The following A2ML1 variants were observed in gnomAD, a reference collection of about 807,000 sequenced individuals.
A2ML1 encodes the protein alpha-2-macroglobulin-like protein 1.
A neutral mutation model predicts 181.9 loss-of-function variants in A2ML1; 161 were observed. The ratio of observed to expected loss-of-function variants is 0.89; its 90% CI spans 0.78 to 1.01. The LOEUF (loss-of-function observed/expected upper bound fraction) is 1.01. Ranked by LOEUF, A2ML1 falls within the 50% of genes least tolerant of loss-of-function variation. The pLI, the probability that A2ML1 is intolerant of heterozygous loss-of-function variation, is 0.00. For synonymous variants in A2ML1, 663 were observed against 666.8 expected, an observed-to-expected ratio of 0.99 and a Z score of 0.09; for missense variants, 1,670 against 1,768.1, an observed-to-expected ratio of 0.94 and a Z score of 1.00.
chr12:8,824,962 TACC>T (rs1459302767), intron 3 of A2ML1, among the ~76,000 whole-genome samples: 1 of 152,222 alleles, frequency 6.6e-6, no homozygotes. Context: ...TATGTATGTG[TACC>T]ACATTTTTTA....
chr12:8,870,531 T>C (rs973930665), intron 33 of A2ML1, among the ~76,000 whole-genome samples: 1 of 152,170 alleles, frequency 6.6e-6, no homozygotes, highest in African/African-American at 2.4e-5. Flanking sequence ...CCTCCCAAAG[T>C]GTTAGGATTA....
At chr12:8,843,446 A>G (rs535157361) in intron 12 of A2ML1, 85 bp downstream of exon 12, 4 of 1,292,678 alleles carry the variant, frequency 3.1e-6, no homozygotes, top group Non-Finnish European at 4.2e-6. Context: ...CACCTAGGCT[A>G]TCTGAATTGC....
Position 8,868,264 on chromosome 12 carries a change from A to G in A2ML1, c.3968A>G (p.Asn1323Ser). Residue 1323 changes from asparagine to serine, a missense_variant, in exon 31 of 36, where the codon AAT becomes AGT. Physicochemically the swap from Asn to Ser is conservative, Grantham distance 46. Coordinates refer to ENST00000299698, the MANE Select transcript of A2ML1 (RefSeq NM_144670.6). ...VLRYNILPPT[N>S]MKTFSLSVEI... Reference sequence around the variant, plus strand: ...AGATACAATATTCTCCCTCCCACAAATATGAAGACCTTTAGTCTTAGTGTG... The same window carrying G: ...AGATACAATATTCTCCCTCCCACAAGTATGAAGACCTTTAGTCTTAGTGTG... 1 of 1,613,866 alleles carries G rather than the reference A, an allele frequency of 6.2e-7. No homozygotes were observed. Among genetic ancestry groups the G allele is most frequent in the South Asian group, 1.1e-5 (1 of 90,950 alleles).
At chr12:8,845,527 A>G (rs771358441) in intron 13 of A2ML1, 25 bp downstream of exon 13, 3 of 1,613,390 alleles carry the variant, frequency 1.9e-6, no homozygotes, top group African/African-American at 2.7e-5. Context: ...TTTTCCCGGA[A>G]GCAAACAGGA....
intron 7 of A2ML1, among the ~76,000 whole-genome samples, chr12:8,884,721 T>G (rs1944905538): frequency 6.6e-6 from 1 of 152,148 alleles, no homozygotes. Context: ...CCTGGCTAAT[T>G]TTTGTATTTT....
chr12:8,873,148 C>T (rs1944685471), intron 33 of A2ML1, among the ~76,000 whole-genome samples: 2 of 152,006 alleles, frequency 1.3e-5, no homozygotes, highest in Admixed American at 6.6e-5. Context: ...AGGGGAGGTC[C>T]CTCGACCACA....
At chr12:8,879,420 G>C (rs1167001651), downstream of A2ML1, among the ~76,000 whole-genome samples, 1 of 152,052 alleles carries the variant, frequency 6.6e-6, no homozygotes, top group Non-Finnish European at 1.5e-5. Context: ...GAACCCGGGA[G>C]GCGGAGGTTG....
intron 3 of A2ML1, among the ~76,000 whole-genome samples, chr12:8,825,467 G>A (rs904639530): frequency 2.6e-5 from 4 of 152,022 alleles, no homozygotes; most frequent in Admixed American, 2.0e-4. Context: ...CTATACAGCT[G>A]TCTGAGCTCC....
At chr12:8,836,030 A>C (rs1025320949) in intron 6 of A2ML1, among the ~76,000 whole-genome samples, 132 of 151,468 alleles carry the variant, frequency 8.7e-4, no homozygotes, top group African/African-American at 3.0e-3. Flanking sequence ...AAAAAAAAAA[A>C]AAAATCAGCA....
chr12:8,868,743 T>TATATACATAC, intron 32 of A2ML1, 116 bp downstream of exon 32: 4 of 727,852 alleles, frequency 5.5e-6, no homozygotes, highest in Non-Finnish European at 9.1e-6. Flanking sequence ...ACAAGGCATG[T>TATATACATAC]ATATACATAC....
chr12:8,834,865 C>A, intron 5 of A2ML1, 183 bp downstream of exon 5: 1 of 627,738 alleles, frequency 1.6e-6, no homozygotes, highest in Non-Finnish European at 2.8e-6. Flanking sequence ...CCCTCCTAGT[C>A]TCTCACACCT....
intron 26 of A2ML1, among the ~76,000 whole-genome samples, chr12:8,860,225 G>A (rs1182990314): frequency 6.6e-6 from 1 of 151,960 alleles, no homozygotes; most frequent in African/African-American, 2.4e-5. Flanking sequence ...TGCAGGTTTT[G>A]TAGAGTTGGG....
rs138720235 is a variant in A2ML1 at position 8,869,569 on chromosome 12, T to C, written c.4221+366T>C. On this transcript the variant is annotated intron_variant, in intron 33 of 35. Transcript: ENST00000299698. ...AATATACAGACGTATTAATGAGATA[T>C]CTACATTCTTTTTTTTTTTCTGTAC... Among the ~76,000 whole-genome samples the C allele has an allele frequency of 6.3e-3, 951 of 151,984 alleles. 9 individuals are homozygous for C. The highest frequency in any genetic ancestry group is 0.022 in the African/African-American group (898 of 41,526).
chr12:8,878,631 A>G (rs969999373), downstream of A2ML1, among the ~76,000 whole-genome samples: 19 of 152,164 alleles, frequency 1.2e-4, no homozygotes, highest in African/African-American at 4.6e-4. The surrounding 1 kb of genome is among the most constrained non-coding windows in gnomAD (Gnocchi z 4.4). Flanking sequence ...CTGCATATTT[A>G]CCCCCTGAAT....
Position 8,837,571 on chromosome 12 carries a change from G to A in A2ML1, c.855+5G>A. On this transcript the variant is annotated splice_donor_5th_base_variant and intron_variant, in intron 8 of 35. Transcript: ENST00000299698. ...TGCAGGAACCTCTCTGGACAGGTGA[G>A]TAAATGACAGGTTAAAAAGGAACCT... 6.2e-7 allele frequency: 1 copy of A among 1,605,180 alleles called. No homozygotes were observed. The highest frequency in any genetic ancestry group is 1.1e-5 in the South Asian group (1 of 90,934).
At chr12:8,870,639 T>C (rs1306646925) in intron 33 of A2ML1, among the ~76,000 whole-genome samples, 1 of 152,206 alleles carries the variant, frequency 6.6e-6, no homozygotes, top group African/African-American at 2.4e-5. Flanking sequence ...ATGATGTTGC[T>C]GTTTAAAACT....
At chr12:8,850,834 G>A (rs1018506591) in intron 18 of A2ML1, among the ~76,000 whole-genome samples, 8 of 151,988 alleles carry the variant, frequency 5.3e-5, no homozygotes, top group Admixed American at 5.2e-4. Context: ...AACCTCCTAG[G>A]TTCAAGCAAT....
intron 33 of A2ML1, among the ~76,000 whole-genome samples, chr12:8,873,057 G>GA (rs770105458): frequency 0.011 from 1,654 of 150,206 alleles, 19 homozygotes; most frequent in African/African-American, 0.038. Context: ...AATGAGAGTG[G>GA]AAAAAAAAAG....
intron 29 of A2ML1, among the ~76,000 whole-genome samples, chr12:8,865,865 G>C (rs1419294679): frequency 6.6e-6 from 1 of 152,098 alleles, no homozygotes; most frequent in East Asian, 1.9e-4. Context: ...ACTTTGATGA[G>C]GCTACAGAAA....
Sources: allele counts gnomAD v4.1 joint callset (sites outside exome capture counted in the v4.1 genomes callset), GRCh38; gene constraint gnomAD v4.1.1; non-coding constraint Gnocchi (gnomAD v3.1); transcripts MANE v1.5; gene names NCBI Gene and HGNC (gene_info 2026-07-23, HGNC 2026-07-21).